Variants in ERP44 observed in about 807,000 individuals in gnomAD.
ERP44 encodes the protein endoplasmic reticulum resident protein 44.
A neutral mutation model predicts 53.4 loss-of-function variants in ERP44; 25 were observed. That is an observed-to-expected ratio of 0.47 (90% CI 0.34 to 0.65). The LOEUF (loss-of-function observed/expected upper bound fraction) is 0.65. ERP44 is among the 30% of genes least tolerant of loss of function. ERP44 has a pLI of 0.01. For missense variants in ERP44, 338 were observed against 493.2 expected, an observed-to-expected ratio of 0.69 and a Z score of 2.98; for synonymous variants, 145 against 161.2, an observed-to-expected ratio of 0.90 and a Z score of 0.76.
intron 1 of ERP44, among the ~76,000 whole-genome samples, chr9:100,066,366 T>C (rs1826209792): frequency 1.3e-5 from 2 of 152,224 alleles, no homozygotes; most frequent in Admixed American, 1.3e-4. Context: ...AAAAAACAGC[T>C]TAAACAGATA....
At chr9:99,989,973 A>G (rs944113639) in intron 10 of ERP44, among the ~76,000 whole-genome samples, 1 of 152,224 alleles carries the variant, frequency 6.6e-6, no homozygotes, top group African/African-American at 2.4e-5. Flanking sequence ...TAGAGAAAAA[A>G]GAGTAAAAAG....
In ERP44 at chr9:100,007,678, T is replaced by C; in HGVS notation, c.774A>G (p.Glu258=). The C allele has an allele frequency of 6.5e-7, 1 of 1,534,276 alleles. No individual in the cohort carries two copies. Among genetic ancestry groups the C allele is most frequent in the Non-Finnish European group, 9.0e-7 (1 of 1,107,400 alleles). The part of the protein sequence containing the change: ...ITFENGEELT[E]EGLPFLILFH... Reference sequence around the variant, plus strand: ...AGAGTATGAGAAAAGGCAGTCCTTCTTCTGTCAATTCCTGTAGAGAGAAGC... The same window carrying C: ...AGAGTATGAGAAAAGGCAGTCCTTCCTCTGTCAATTCCTGTAGAGAGAAGC... Residue 258 remains glutamate (E), a synonymous_variant, in exon 9 of 12, where the codon GAA becomes GAG. Transcript: ENST00000262455.
intron 8 of ERP44, 75 bp downstream of exon 8, chr9:100,016,247 G>A: frequency 1.3e-6 from 2 of 1,526,008 alleles, no homozygotes; most frequent in Non-Finnish European, 1.7e-6. Context: ...TGTTAACATA[G>A]TAAGACAGGT....
chr9:100,073,878 A>G (rs1826330810), intron 1 of ERP44, among the ~76,000 whole-genome samples: 1 of 152,266 alleles, frequency 6.6e-6, no homozygotes, highest in Non-Finnish European at 1.5e-5. Flanking sequence ...AAAGTTTCTC[A>G]AAACTACCTA....
intron 1 of ERP44, among the ~76,000 whole-genome samples, chr9:100,088,248 T>C (rs762052417): frequency 1.9e-4 from 29 of 152,390 alleles, no homozygotes; most frequent in Non-Finnish European, 3.4e-4. Flanking sequence ...AGTACACTTT[T>C]GCAAAATATG....
chr9:100,011,777 C>T (rs928170711), intron 8 of ERP44, among the ~76,000 whole-genome samples: 2 of 152,080 alleles, frequency 1.3e-5, no homozygotes, highest in Non-Finnish European at 2.9e-5. Flanking sequence ...AAAAAAGCAA[C>T]AGAACATTAC....
At chr9:100,093,652 A>AGG (rs1826589723) in intron 1 of ERP44, among the ~76,000 whole-genome samples, 1 of 149,936 alleles carries the variant, frequency 6.7e-6, no homozygotes, top group Non-Finnish European at 1.5e-5. Flanking sequence ...GTGGGGGGGG[A>AGG]AAAAAAAAGA....
At chr9:100,030,933 T>G (rs1032529715) in intron 4 of ERP44, among the ~76,000 whole-genome samples, 2 of 152,162 alleles carry the variant, frequency 1.3e-5, no homozygotes, top group Non-Finnish European at 2.9e-5. Flanking sequence ...TGAGACCACA[T>G]GACAGCAGAG....
intron 10 of ERP44, chr9:99,998,727 ATC>A: frequency 2.8e-6 from 2 of 723,090 alleles, no homozygotes; most frequent in Non-Finnish European, 5.0e-6. Flanking sequence ...CATTTTTTGC[ATC>A]TCTTTTCTTT....
chr9:100,017,325 C>T (rs867317487), intron 7 of ERP44, among the ~76,000 whole-genome samples: 2 of 152,062 alleles, frequency 1.3e-5, no homozygotes, highest in African/African-American at 2.4e-5. Context: ...CGCGGGGAAG[C>T]GAAGAAACTT....
At chr9:100,002,142 A>AC (rs1406380861) in intron 10 of ERP44, among the ~76,000 whole-genome samples, 3 of 151,352 alleles carry the variant, frequency 2.0e-5, no homozygotes, top group East Asian at 1.9e-4. Flanking sequence ...TAAAAAAAAA[A>AC]ACTACACTTT....
Position 100,031,922 on chromosome 9 carries a change from T to C in ERP44, c.287-9696A>G, listed in dbSNP as rs1461635498. On this transcript the variant is annotated intron_variant, in intron 4 of 11. Coordinates refer to ENST00000262455, the MANE Select transcript of ERP44 (RefSeq NM_015051.3). ...CTGACGTTTTTGACTTTGGAAGGTA[T>C]CAGAAATTACTTTGAATTATGAGAG... Among the ~76,000 whole-genome samples the C allele has an allele frequency of 2.0e-5, 3 of 152,340 alleles. 1 individual carries two copies. Among genetic ancestry groups the C allele is most frequent in the Non-Finnish European group, 1.5e-5 (1 of 68,032 alleles).
chr9:100,018,204 G>C (rs534506510), intron 7 of ERP44, 52 bp downstream of exon 7: 9 of 1,044,448 alleles, frequency 8.6e-6, no homozygotes, highest in Admixed American at 5.1e-5. Flanking sequence ...TACATCTTAC[G>C]CATGTATTTA....
At chr9:99,987,810 C>T (rs1406710626) in intron 10 of ERP44, among the ~76,000 whole-genome samples, 1 of 152,002 alleles carries the variant, frequency 6.6e-6, no homozygotes, top group East Asian at 1.9e-4. Flanking sequence ...GGGATTCAGC[C>T]ATTTTTGTAT....
rs939150017 is a variant in ERP44, at chr9:100,098,968, C to A, written c.-128G>T. The A allele has an allele frequency of 7.1e-6, 5 of 705,314 alleles. No individual in the cohort carries two copies. The highest frequency in any genetic ancestry group is 5.1e-5 in the Admixed American group (2 of 39,514). 43.7% of individuals were successfully genotyped at this position (705,314 alleles called of 1,614,324 possible). ...GAGGATTCTCCAGGCAGCGGCACCT[C>A]GTCCTCTCGACCCGGGCTCCAGCGG... is the stretch of plus-strand genomic sequence containing the variant. On this transcript the variant is annotated 5_prime_UTR_variant, in exon 1 of 12. Coordinates refer to ENST00000262455, the MANE Select transcript of ERP44 (RefSeq NM_015051.3).
chr9:100,040,120 C>A (rs1195175488), intron 4 of ERP44, among the ~76,000 whole-genome samples: 3 of 152,126 alleles, frequency 2.0e-5, no homozygotes, highest in Non-Finnish European at 4.4e-5. Context: ...CAATCCTACT[C>A]AAACTATTCC....
At chr9:100,022,715 C>T (rs144928487) in intron 4 of ERP44, among the ~76,000 whole-genome samples, 145 of 152,132 alleles carry the variant, frequency 9.5e-4, no homozygotes, top group African/African-American at 3.4e-3. Context: ...TTTGCATGGT[C>T]CAGGAAGAGG....
At chr9:99,990,027 C>T (rs1285060152) in intron 10 of ERP44, among the ~76,000 whole-genome samples, 1 of 152,104 alleles carries the variant, frequency 6.6e-6, no homozygotes, top group Non-Finnish European at 1.5e-5. Flanking sequence ...CGTGAAAAGA[C>T]CAAATCTACA....
intron 1 of ERP44, among the ~76,000 whole-genome samples, chr9:100,072,112 A>T (rs1344390212): frequency 6.6e-6 from 1 of 152,184 alleles, no homozygotes; most frequent in Non-Finnish European, 1.5e-5. Context: ...TTAGCTTTGT[A>T]AAGCAAACAG....
Sources: gnomAD v4.1 joint callset for allele counts (sites outside exome capture counted in the v4.1 genomes callset) on GRCh38, gnomAD v4.1.1 for gene constraint, MANE v1.5 for transcripts, NCBI Gene and HGNC (gene_info 2026-07-23, HGNC 2026-07-21) for gene names.